The following MROH9 variants were observed in gnomAD, a reference collection of about 807,000 sequenced individuals.
MROH9 encodes maestro heat like repeat family member 9, also known as maestro heat-like repeat-containing protein family member 9.
A neutral mutation model predicts 98.2 loss-of-function variants in MROH9; 92 were observed. The ratio of observed to expected loss-of-function variants is 0.94; its 90% CI spans 0.79 to 1.11. MROH9 has a LOEUF of 1.11. Among genes scored for constraint, MROH9 ranks in the 50% most tolerant of loss-of-function variants. MROH9 has a pLI of 0.00. For missense variants in MROH9, 1,057 were observed against 1,014.8 expected (o/e 1.04, Z -0.57); for synonymous variants, 397 against 368.9 (o/e 1.08, Z -0.87).
chr1:171,060,707 C>T (rs888581477), intron 20 of MROH9, among the ~76,000 whole-genome samples: 1 of 152,062 alleles, frequency 6.6e-6, no homozygotes, highest in Non-Finnish European at 1.5e-5. Flanking sequence ...AATATCTTGA[C>T]CCCAACTTCA....
chr1:171,007,514 T>C (rs1218681070), intron 15 of MROH9, among the ~76,000 whole-genome samples: 1 of 152,094 alleles, frequency 6.6e-6, no homozygotes. Flanking sequence ...GCCAAGACCA[T>C]GGTCTGCAGG....
intron 20 of MROH9, among the ~76,000 whole-genome samples, chr1:171,049,447 C>T (rs187555412): frequency 8.8e-4 from 134 of 152,080 alleles, no homozygotes; most frequent in Non-Finnish European, 1.5e-3. Flanking sequence ...CCTGTTAGAG[C>T]GGGGAGTAAA....
intron 20 of MROH9, among the ~76,000 whole-genome samples, chr1:171,053,269 A>G (rs1653728207): frequency 6.6e-6 from 1 of 152,122 alleles, no homozygotes; most frequent in African/African-American, 2.4e-5. Context: ...ATCACCAAAC[A>G]ATGATTGACT....
intron 9 of MROH9, among the ~76,000 whole-genome samples, chr1:170,985,123 G>T (rs16863900): frequency 0.34 from 52,356 of 151,882 alleles, 9,169 homozygotes; most frequent in Middle Eastern, 0.47. Flanking sequence ...AGCCACAAAA[G>T]TGTCATTAAC....
chr1:171,018,708 A>G (rs1204381474), intron 17 of MROH9, among the ~76,000 whole-genome samples: 1 of 152,252 alleles, frequency 6.6e-6, no homozygotes, highest in Non-Finnish European at 1.5e-5. Context: ...ACAGAGGAAA[A>G]TAAATGACCT....
chr1:170,967,114 A>G (rs1173100363), intron 7 of MROH9, among the ~76,000 whole-genome samples: 1 of 152,198 alleles, frequency 6.6e-6, no homozygotes, highest in Admixed American at 6.5e-5. Context: ...AGGAATAAAT[A>G]TGTAAATTCA....
intron 20 of MROH9, among the ~76,000 whole-genome samples, chr1:171,041,017 C>A (rs1281125199): frequency 6.6e-6 from 1 of 151,832 alleles, no homozygotes; most frequent in Non-Finnish European, 1.5e-5. Flanking sequence ...GATACAAGTA[C>A]AGTTGTGTTA....
intron 17 of MROH9, among the ~76,000 whole-genome samples, chr1:171,024,069 A>G (rs764909975): frequency 2.0e-5 from 3 of 152,178 alleles, no homozygotes; most frequent in Non-Finnish European, 4.4e-5. Flanking sequence ...CATGTCATAC[A>G]TGACAGGATT....
At chr1:170,956,329 A>AT (rs878901296) in intron 3 of MROH9, among the ~76,000 whole-genome samples, 3 of 150,896 alleles carry the variant, frequency 2.0e-5, no homozygotes, top group Non-Finnish European at 3.0e-5. Flanking sequence ...GAATTTTAGA[A>AT]TTTTTTTTTC....
chr1:171,031,924 T>C (rs1359447518), intron 20 of MROH9, among the ~76,000 whole-genome samples: 2 of 152,168 alleles, frequency 1.3e-5, no homozygotes, highest in African/African-American at 4.8e-5. Flanking sequence ...TAAGCAATCA[T>C]AGATTTGATC....
At chr1:170,967,158 T>A (rs1435097926) in intron 7 of MROH9, among the ~76,000 whole-genome samples, 2 of 152,162 alleles carry the variant, frequency 1.3e-5, no homozygotes, top group African/African-American at 4.8e-5. Context: ...AAATTGTTAG[T>A]TGAGAGTTCC....
chr1:170,967,016 C>A (rs1396794974), intron 7 of MROH9, among the ~76,000 whole-genome samples: 1 of 152,164 alleles, frequency 6.6e-6, no homozygotes, highest in Non-Finnish European at 1.5e-5. Context: ...AGCAGATAGG[C>A]ATTTTGGAGT....
At chr1:171,063,487 C>G (rs576572600) in intron 21 of MROH9, among the ~76,000 whole-genome samples, 1 of 152,078 alleles carries the variant, frequency 6.6e-6, no homozygotes, top group Admixed American at 6.5e-5. Context: ...CTCCTGACCC[C>G]GAGATCCACC....
At chr1:171,060,738 A>G (rs1037260339) in intron 20 of MROH9, among the ~76,000 whole-genome samples, 1 of 152,164 alleles carries the variant, frequency 6.6e-6, no homozygotes, top group African/African-American at 2.4e-5. Context: ...CTCCAGATGG[A>G]TGGTATATAT....
At position 170,971,843 on chromosome 1, in the gene MROH9, G is replaced by C. The variant is rs574920936; in HGVS notation, c.576G>C (p.Leu192Phe). 2.5e-6 allele frequency: 4 copies of C among 1,613,874 alleles called. No homozygotes were observed. The South Asian group carries it at 3.3e-5, about 13-fold the overall frequency. Residue 192 changes from leucine to phenylalanine, a missense_variant, in exon 8 of 22, where the codon TTG becomes TTC. By Grantham distance (22) the Leu-to-Phe change is conservative. Coordinates refer to ENST00000367759, the MANE Select transcript of MROH9 (RefSeq NM_001163629.2). ...CCTCGATTGTAAAACAAGCATCATTGGGAATGTGTCACCTCCTCTACATTG... is the reference window on the plus strand; with the variant it reads ...CCTCGATTGTAAAACAAGCATCATTCGGAATGTGTCACCTCCTCTACATTG... The part of the protein sequence containing the change: ...EDPSIVKQAS[L>F]GMCHLLYIAR...
intron 1 of MROH9, among the ~76,000 whole-genome samples, chr1:170,943,884 G>A (rs1197306710): frequency 6.6e-6 from 1 of 151,960 alleles, no homozygotes; most frequent in Non-Finnish European, 1.5e-5. Flanking sequence ...AAATGAATGG[G>A]GAAAGTCTGG....
rs761645359 is a variant in MROH9, at chr1:170,995,447, A to T, written c.1253A>T (p.Gln418Leu). ...PLGSYRKAVA[Q>L]YFPQLLTTLM... Reference sequence around the variant, plus strand: ...GGTTCCTACAGGAAAGCGGTGGCCCAGTATTTCCCCCAGCTCTTGACGACT... The same window carrying T: ...GGTTCCTACAGGAAAGCGGTGGCCCTGTATTTCCCCCAGCTCTTGACGACT... Residue 418 changes from glutamine to leucine, a missense_variant, in exon 13 of 22, where the codon CAG becomes CTG. Gln to Leu is a moderately radical substitution (Grantham distance 113, BLOSUM62 -2). Coordinates refer to ENST00000367759, the MANE Select transcript of MROH9 (RefSeq NM_001163629.2). 13 of 1,613,348 alleles carry T rather than the reference A, an allele frequency of 8.1e-6. No individual in the cohort carries two copies. Among genetic ancestry groups the T allele is most frequent in the Non-Finnish European group, 1.1e-5 (13 of 1,179,604 alleles).
chr1:171,011,940 T>G (rs1367985179), intron 15 of MROH9, among the ~76,000 whole-genome samples: 1 of 152,138 alleles, frequency 6.6e-6, no homozygotes, highest in Non-Finnish European at 1.5e-5. Flanking sequence ...ACACCAACTT[T>G]CTTTAGCACT....
At chr1:170,956,325 T>C (rs920649681) in intron 3 of MROH9, among the ~76,000 whole-genome samples, 1 of 152,170 alleles carries the variant, frequency 6.6e-6, no homozygotes, top group East Asian at 1.9e-4. Context: ...ATATGAATTT[T>C]AGAATTTTTT....
Sources: allele counts gnomAD v4.1 joint callset (sites outside exome capture counted in the v4.1 genomes callset), GRCh38; gene constraint gnomAD v4.1.1; transcripts MANE v1.5; gene names NCBI Gene and HGNC (gene_info 2026-07-23, HGNC 2026-07-21).